The following UTRN variants were observed in gnomAD, a reference collection of about 807,000 sequenced individuals.
UTRN encodes dystrophin-related protein 1.
Under a neutral mutation model 463.9 loss-of-function variants are expected in UTRN, and 283 were observed. That is an observed-to-expected ratio of 0.61 (90% CI 0.55 to 0.67). The LOEUF is 0.67. Ranked by LOEUF, UTRN falls within the 30% of genes least tolerant of loss-of-function variation. The pLI, the probability that UTRN is intolerant of heterozygous loss-of-function variation, is 0.00. For missense variants in UTRN, 3,922 were observed against 4,084.3 expected (o/e 0.96, Z 1.08); for synonymous variants, 1,442 against 1,431.5 (o/e 1.01, Z -0.17).
chr6:144,556,461 A>C (rs759903638), intron 49 of UTRN, among the ~76,000 whole-genome samples: 2 of 152,216 alleles, frequency 1.3e-5, no homozygotes, highest in Non-Finnish European at 2.9e-5. Context: ...TTTTTTAATC[A>C]GCAGTGTGAT....
At chr6:144,547,938 T>A (rs1798554635) in intron 46 of UTRN, among the ~76,000 whole-genome samples, 1 of 152,218 alleles carries the variant, frequency 6.6e-6, no homozygotes, top group South Asian at 2.1e-4. Context: ...TTAAGCCTCA[T>A]CTAATATATC....
chr6:144,587,842 C>T (rs1354193837), intron 51 of UTRN, among the ~76,000 whole-genome samples: 2 of 152,076 alleles, frequency 1.3e-5, no homozygotes, highest in African/African-American at 2.4e-5. Context: ...TTGTTTGAAC[C>T]ATGGAGCTCA....
intron 43 of UTRN, among the ~76,000 whole-genome samples, chr6:144,535,538 G>A (rs1797452142): frequency 6.6e-6 from 1 of 152,088 alleles, no homozygotes; most frequent in African/African-American, 2.4e-5. Flanking sequence ...TCATTTTTTG[G>A]AAGTGAAAAG....
chr6:144,514,990 C>T (rs1415563537), intron 37 of UTRN, among the ~76,000 whole-genome samples, 170 bp downstream of exon 37: 1 of 152,188 alleles, frequency 6.6e-6, no homozygotes, highest in Non-Finnish European at 1.5e-5. Flanking sequence ...CAACCTCCGC[C>T]TTCTGGGTGC....
At chr6:144,719,402 C>T (rs1274655077) in intron 53 of UTRN, among the ~76,000 whole-genome samples, 1 of 151,974 alleles carries the variant, frequency 6.6e-6, no homozygotes, top group Non-Finnish European at 1.5e-5. Flanking sequence ...ATGGAGAAAC[C>T]CCATCTCTAC....
chr6:144,475,737 G>C (rs747138348), intron 25 of UTRN, among the ~76,000 whole-genome samples: 1 of 151,978 alleles, frequency 6.6e-6, no homozygotes. Context: ...TGCCTCCTGG[G>C]TAGCTGGAAC....
chr6:144,595,532 A>G (rs1050752606), intron 51 of UTRN, among the ~76,000 whole-genome samples: 3 of 152,128 alleles, frequency 2.0e-5, no homozygotes, highest in Admixed American at 1.3e-4. Context: ...ATTGAGGTAC[A>G]TTCTCTGCCA....
At chr6:144,586,496 A>G (rs1802478009) in intron 51 of UTRN, among the ~76,000 whole-genome samples, 1 of 152,152 alleles carries the variant, frequency 6.6e-6, no homozygotes, top group Non-Finnish European at 1.5e-5. Context: ...CATGCCTATA[A>G]AATAATTTTT....
chr6:144,424,009 A>G lies in UTRN; in HGVS notation c.336A>G (p.Gly112=). The change falls in exon 6 of 75, where the codon GGA becomes GGG. Residue 112 remains glycine (G), a synonymous_variant. Coordinates refer to ENST00000367545, the MANE Select transcript of UTRN (RefSeq NM_007124.3). Reference sequence around the variant, plus strand: ...AGGTGGAATTAGTGAATATAGGGGGAACTGACATTGTGGATGGAAATCACA... The same window carrying G: ...AGGTGGAATTAGTGAATATAGGGGGGACTGACATTGTGGATGGAAATCACA... The part of the protein sequence containing the change: ...QNNVELVNIG[G]TDIVDGNHKL... 1 of 1,613,924 alleles carries G rather than the reference A, an allele frequency of 6.2e-7. No homozygotes were observed. The highest frequency in any genetic ancestry group is 8.5e-7 in the Non-Finnish European group (1 of 1,179,968).
intron 63 of UTRN, 39 bp downstream of exon 63, chr6:144,794,030 C>G: frequency 6.2e-7 from 1 of 1,603,906 alleles, no homozygotes; most frequent in Admixed American, 1.7e-5. Context: ...GATGTGTTGG[C>G]GAAGGGTTTT....
At chr6:144,819,911 CCTCT>C (rs1554406067) in intron 65 of UTRN, among the ~76,000 whole-genome samples, 10 of 118,628 alleles carry the variant, frequency 8.4e-5, no homozygotes, top group Non-Finnish European at 1.3e-4. Context: ...TCCTCCTCCT[CCTCT>C]CTCTCTCTCT....
intron 51 of UTRN, among the ~76,000 whole-genome samples, chr6:144,654,352 G>A (rs541504238): frequency 6.2e-4 from 95 of 152,310 alleles, no homozygotes; most frequent in Non-Finnish European, 1.1e-3. Context: ...AGCTGATCGC[G>A]TGGGGTTAGT....
intron 2 of UTRN, among the ~76,000 whole-genome samples, chr6:144,350,357 T>C (rs1778008878): frequency 6.6e-6 from 1 of 152,236 alleles, no homozygotes; most frequent in South Asian, 2.1e-4. Flanking sequence ...TCGTTTCTTC[T>C]GCTACCCTTG....
chr6:144,692,430 A>G (rs780739762), intron 52 of UTRN, among the ~76,000 whole-genome samples: 3 of 152,200 alleles, frequency 2.0e-5, no homozygotes, highest in Non-Finnish European at 4.4e-5. Flanking sequence ...TGCTGGGTCA[A>G]ATGGTATTTA....
At chr6:144,549,811 A>G (rs1033154015) in intron 47 of UTRN, among the ~76,000 whole-genome samples, 4 of 152,232 alleles carry the variant, frequency 2.6e-5, no homozygotes, top group African/African-American at 9.6e-5. Flanking sequence ...TGTGCAATTA[A>G]GAAATACAGT....
At chr6:144,510,119 A>C (rs2128590019) in intron 34 of UTRN, among the ~76,000 whole-genome samples, 1 of 152,344 alleles carries the variant, frequency 6.6e-6, no homozygotes, top group Non-Finnish European at 1.5e-5. Flanking sequence ...GTAGAAATAT[A>C]AACTTGAGCT....
At chr6:144,848,667 A>G (rs920190402) in intron 74 of UTRN, among the ~76,000 whole-genome samples, 2 of 151,972 alleles carry the variant, frequency 1.3e-5, no homozygotes, top group Non-Finnish European at 2.9e-5. Flanking sequence ...CCATATTTGG[A>G]CCTTTGTGTG....
intron 61 of UTRN, among the ~76,000 whole-genome samples, chr6:144,788,714 G>A (rs1015045792): frequency 1.3e-4 from 19 of 151,912 alleles, no homozygotes; most frequent in African/African-American, 3.1e-4. Flanking sequence ...ATAGGCATGC[G>A]CCACCCGCCT....
At chr6:144,433,101 G>A (rs1347524348) in intron 9 of UTRN, among the ~76,000 whole-genome samples, 5 of 152,224 alleles carry the variant, frequency 3.3e-5, no homozygotes, top group East Asian at 1.9e-4. Flanking sequence ...ACACAGACAC[G>A]GCAACCATCC....
Sources: gnomAD v4.1 joint callset for allele counts (sites outside exome capture counted in the v4.1 genomes callset) on GRCh38, gnomAD v4.1.1 for gene constraint, MANE v1.5 for transcripts, NCBI Gene and HGNC (gene_info 2026-07-23, HGNC 2026-07-21) for gene names.